Variants in CNTNAP2 observed in about 807,000 individuals in gnomAD.
CNTNAP2 encodes contactin associated protein 2.
CNTNAP2 carries 98 observed loss-of-function variants against 155.2 expected under a neutral mutation model. That is an observed-to-expected ratio of 0.63 (90% confidence interval 0.54 to 0.75). The LOEUF is 0.75. Among genes scored for constraint, CNTNAP2 ranks in the 30% least tolerant of loss-of-function variants. The pLI, the probability that CNTNAP2 is intolerant of heterozygous loss-of-function variation, is 0.00. For synonymous variants in CNTNAP2, 651 were observed against 631.2 expected (o/e 1.03, Z -0.47); for missense variants, 1,727 against 1,688.1 (o/e 1.02, Z -0.40).
intron 21 of CNTNAP2, among the ~76,000 whole-genome samples, chr7:148,320,931 T>C (rs73745568): frequency 0.01 from 1,579 of 152,360 alleles, 19 homozygotes; most frequent in African/African-American, 0.036. Flanking sequence ...CTTGTCAATG[T>C]AGGCTATTCG....
chr7:146,584,183 TAG>T (rs1265240321), intron 1 of CNTNAP2, among the ~76,000 whole-genome samples: 1 of 152,192 alleles, frequency 6.6e-6, no homozygotes, highest in African/African-American at 2.4e-5. Context: ...TCCTAGGCTT[TAG>T]AGTCAGGAAA....
chr7:147,078,295 A>G (rs1427480744), intron 4 of CNTNAP2, among the ~76,000 whole-genome samples: 1 of 152,232 alleles, frequency 6.6e-6, no homozygotes, highest in Non-Finnish European at 1.5e-5. Context: ...GCTGTATCAA[A>G]TATTCAGTTA....
chr7:147,657,020 C>CAAAAAG (rs1255974339), intron 13 of CNTNAP2, among the ~76,000 whole-genome samples: 1 of 152,072 alleles, frequency 6.6e-6, no homozygotes, highest in African/African-American at 2.4e-5. Flanking sequence ...CTCGTGGTTT[C>CAAAAAG]AAAAAGAAAC....
chr7:147,010,090 A>C (rs2129243407), intron 3 of CNTNAP2, among the ~76,000 whole-genome samples: 1 of 150,534 alleles, frequency 6.6e-6, no homozygotes, highest in South Asian at 2.1e-4. Context: ...GCTCACTGCA[A>C]CTTCCACTTC....
intron 8 of CNTNAP2, among the ~76,000 whole-genome samples, chr7:147,168,995 C>T (rs1191250233): frequency 1.3e-5 from 2 of 152,126 alleles, no homozygotes; most frequent in Non-Finnish European, 2.9e-5. Context: ...TCAGATTAAA[C>T]AATGCAAAGC....
At chr7:146,571,541 T>G (rs1014223672) in intron 1 of CNTNAP2, among the ~76,000 whole-genome samples, 1 of 152,068 alleles carries the variant, frequency 6.6e-6, no homozygotes, top group Non-Finnish European at 1.5e-5. Context: ...TTTCAAAAAG[T>G]TATGATTTTT....
At chr7:146,376,054 G>T (rs997423304) in intron 1 of CNTNAP2, among the ~76,000 whole-genome samples, 9 of 151,998 alleles carry the variant, frequency 5.9e-5, no homozygotes, top group African/African-American at 9.7e-5. Flanking sequence ...AGCATTGTAG[G>T]GTATCTTGCT....
At position 146,151,674 on chromosome 7, in the gene CNTNAP2, ATATATATG is replaced by A. The variant is rs1248385030; in HGVS notation, c.97+34709_97+34716del. On this transcript the variant is annotated intron_variant, in intron 1 of 23. Transcript: ENST00000361727. ...TATATATATATATATATATATATAT[ATATATATG>A]TATATATATATATATGTATATATAT... is the stretch of plus-strand genomic sequence containing the variant. 1.9e-3 allele frequency among the ~76,000 whole-genome samples: 78 copies of A among 41,638 alleles called. 1 individual carries two copies. Among genetic ancestry groups the A allele is most frequent in the South Asian group, 4.2e-3 (4 of 950 alleles). 27.3% of individuals were successfully genotyped at this position (41,638 alleles called of 152,430 possible). A position where few individuals can be genotyped will look rare whatever the true frequency, so the allele number is the denominator to read the frequency against.
At chr7:146,448,339 C>T (rs1796431104) in intron 1 of CNTNAP2, among the ~76,000 whole-genome samples, 1 of 151,834 alleles carries the variant, frequency 6.6e-6, no homozygotes, top group Non-Finnish European at 1.5e-5. Flanking sequence ...CCTTCCAGCT[C>T]AAAATATTTC....
chr7:146,424,908 G>T (rs941421208), intron 1 of CNTNAP2, among the ~76,000 whole-genome samples: 1 of 151,936 alleles, frequency 6.6e-6, no homozygotes, highest in African/African-American at 2.4e-5. Context: ...AACAAGTGTT[G>T]CAAACCTCTC....
chr7:148,172,359 C>T lies in CNTNAP2; in HGVS notation c.2891C>T (p.Ser964Leu), dbSNP rs768784351. 2.4e-5 allele frequency: 39 copies of T among 1,613,934 alleles called. No individual in the cohort carries two copies. Among genetic ancestry groups the T allele is most frequent in the Admixed American group, 2.0e-4 (12 of 59,974 alleles). ...ACATCTGGGTTCATATCCGGATGCT[C>T]GGGCCATTGCACCAGCTATGGAACA... is the stretch of plus-strand genomic sequence containing the variant. Reference protein sequence around the residue: ...KVTSGFISGCSGHCTSYGTNC... With the variant: ...KVTSGFISGCLGHCTSYGTNC... Residue 964 changes from serine (S) to leucine (L), a missense_variant, in exon 18 of 24, where the codon TCG becomes TTG. By Grantham distance (145) the Ser-to-Leu change is moderately radical (BLOSUM62 -2). Transcript: ENST00000361727.
chr7:146,982,230 G>A (rs1192673503), intron 3 of CNTNAP2, among the ~76,000 whole-genome samples: 4 of 152,056 alleles, frequency 2.6e-5, no homozygotes, highest in East Asian at 1.9e-4. Context: ...ACCCAAAGCT[G>A]TGTAAATTAT....
intron 15 of CNTNAP2, among the ~76,000 whole-genome samples, chr7:148,072,497 T>C (rs891349097): frequency 2.0e-5 from 3 of 152,358 alleles, no homozygotes; most frequent in Non-Finnish European, 2.9e-5. Flanking sequence ...AAATTTTATG[T>C]GTAAGGAAAT....
chr7:146,232,488 C>G (rs1349921089), intron 1 of CNTNAP2, among the ~76,000 whole-genome samples: 3 of 151,916 alleles, frequency 2.0e-5, no homozygotes, highest in African/African-American at 4.8e-5. Flanking sequence ...TATGCTTGGC[C>G]TAAAAAAATC....
At chr7:147,855,652 CAAAT>C (rs1799023499) in intron 13 of CNTNAP2, among the ~76,000 whole-genome samples, 1 of 151,874 alleles carries the variant, frequency 6.6e-6, no homozygotes, top group South Asian at 2.1e-4. Flanking sequence ...AATTGCAAAA[CAAAT>C]AAATAAATAA....
At chr7:146,727,020 T>C (rs1236738268) in intron 1 of CNTNAP2, among the ~76,000 whole-genome samples, 1 of 152,048 alleles carries the variant, frequency 6.6e-6, no homozygotes, top group Admixed American at 6.5e-5. Flanking sequence ...AAGAGATTGA[T>C]TTTTGCTTTT....
At chr7:146,563,359 C>T (rs1323699083) in intron 1 of CNTNAP2, among the ~76,000 whole-genome samples, 1 of 152,078 alleles carries the variant, frequency 6.6e-6, no homozygotes, top group East Asian at 1.9e-4. Flanking sequence ...AACCATTACA[C>T]TATTGAACTA....
At chr7:148,134,571 G>A (rs1174916977) in intron 16 of CNTNAP2, among the ~76,000 whole-genome samples, 1 of 152,090 alleles carries the variant, frequency 6.6e-6, no homozygotes, top group Admixed American at 6.6e-5. Context: ...TAAAAATAGG[G>A]AAGAAATGAG....
intron 11 of CNTNAP2, among the ~76,000 whole-genome samples, chr7:147,538,027 G>A (rs1222195867): frequency 1.3e-5 from 2 of 152,200 alleles, no homozygotes; most frequent in Non-Finnish European, 2.9e-5. Flanking sequence ...CCAGGAAGCT[G>A]AGTTAGTGGT....
Sources: gnomAD v4.1 joint callset for allele counts (sites outside exome capture counted in the v4.1 genomes callset) on GRCh38, gnomAD v4.1.1 for gene constraint, MANE v1.5 for transcripts, NCBI Gene and HGNC (gene_info 2026-07-23, HGNC 2026-07-21) for gene names.